KCNJ3: variants seen among roughly 807,000 people sequenced by gnomAD.
KCNJ3 encodes the protein G protein-activated inward rectifier potassium channel 1.
Under a neutral mutation model 39.2 loss-of-function variants are expected in KCNJ3, and 4 were observed. That is an observed-to-expected ratio of 0.10 (90% CI 0.05 to 0.23). The LOEUF (loss-of-function observed/expected upper bound fraction) is 0.23, where lower values mean the gene tolerates loss of function less well. KCNJ3 is among the 10% of genes least tolerant of loss of function. The pLI is 1.00. For missense variants in KCNJ3, 276 were observed against 634.9 expected (o/e 0.43, Z 6.08); for synonymous variants, 230 against 237.4 (o/e 0.97, Z 0.29).
intron 2 of KCNJ3, among the ~76,000 whole-genome samples, chr2:154,768,972 A>G (rs987340692): frequency 3.9e-5 from 6 of 152,108 alleles, no homozygotes; most frequent in Admixed American, 6.5e-5. Flanking sequence ...TTCACTCATG[A>G]TTTGGCTCTC....
At chr2:154,846,009 A>T (rs1468440514) in intron 2 of KCNJ3, among the ~76,000 whole-genome samples, 3 of 152,114 alleles carry the variant, frequency 2.0e-5, no homozygotes, top group Non-Finnish European at 4.4e-5. Flanking sequence ...AAAGTCTGCA[A>T]TGCTTCTAAT....
rs2105190918 is a variant in KCNJ3, at chr2:154,764,093, A to G, written c.919+54274A>G. 1.3e-5 allele frequency among the ~76,000 whole-genome samples: 2 copies of G among 152,350 alleles called. 1 individual carries two copies. The highest frequency in any genetic ancestry group is 3.9e-4 in the East Asian group (2 of 5,186). ...CAGTCTCTCTGTTCTCAAGTGTGAT[A>G]TCAATGTTAGTTGTCAGCTTACTAC... On this transcript the variant is annotated intron_variant, in intron 2 of 2. Transcript: ENST00000295101.
At chr2:154,830,631 T>C (rs181329514) in intron 2 of KCNJ3, among the ~76,000 whole-genome samples, 1 of 152,274 alleles carries the variant, frequency 6.6e-6, no homozygotes, top group East Asian at 1.9e-4. Flanking sequence ...ATGCCAGATA[T>C]AGAAACTTGA....
At chr2:154,835,670 T>G (rs902187942) in intron 2 of KCNJ3, among the ~76,000 whole-genome samples, 1 of 152,002 alleles carries the variant, frequency 6.6e-6, no homozygotes, top group Non-Finnish European at 1.5e-5. Context: ...CCCAGGTGGC[T>G]TAATTTACCC....
intron 2 of KCNJ3, among the ~76,000 whole-genome samples, chr2:154,803,314 A>G (rs1686852839): frequency 6.6e-6 from 1 of 151,990 alleles, no homozygotes; most frequent in Non-Finnish European, 1.5e-5. Flanking sequence ...TATATCATGA[A>G]ATTAGAATTG....
intron 2 of KCNJ3, among the ~76,000 whole-genome samples, chr2:154,765,120 C>T (rs1251157086): frequency 3.3e-5 from 5 of 152,140 alleles, no homozygotes; most frequent in South Asian, 2.1e-4. Flanking sequence ...CTTGCCTCTA[C>T]CCACCATAGT....
chr2:154,722,692 C>T (rs1685284174), intron 2 of KCNJ3, among the ~76,000 whole-genome samples: 1 of 151,982 alleles, frequency 6.6e-6, no homozygotes, highest in Admixed American at 6.6e-5. Flanking sequence ...ATCACAATTG[C>T]ACTTTAGAAA....
intron 2 of KCNJ3, among the ~76,000 whole-genome samples, chr2:154,724,630 A>G (rs1404714467): frequency 1.3e-5 from 2 of 151,784 alleles, no homozygotes; most frequent in African/African-American, 4.8e-5. Flanking sequence ...TGTGCCAGCA[A>G]TTATGTACTA....
At chr2:154,845,424 AAT>A (rs1353680818) in intron 2 of KCNJ3, among the ~76,000 whole-genome samples, 1 of 152,050 alleles carries the variant, frequency 6.6e-6, no homozygotes, top group Non-Finnish European at 1.5e-5. Flanking sequence ...GGGCCTGAAA[AAT>A]ATCTTTTCCG....
In KCNJ3 at chr2:154,856,264, A is replaced by G. The variant is rs1687837995; in HGVS notation, c.*951A>G. 6.6e-6 allele frequency: 1 copy of G among 152,576 alleles called. No individual in the cohort carries two copies. The highest frequency in any genetic ancestry group is 2.4e-5 in the African/African-American group (1 of 41,452). The allele number at this position is 152,576 out of a possible 1,614,324, so 9.5% of individuals were successfully genotyped here. A position where few individuals can be genotyped will look rare whatever the true frequency, so the allele number is the denominator to read the frequency against. On this transcript the variant is annotated 3_prime_UTR_variant, in exon 3 of 3. Coordinates refer to ENST00000295101, the MANE Select transcript of KCNJ3 (RefSeq NM_002239.4). ...TCTGAACAAACACTGAATCATGTTA[A>G]TAGACAGTAGCCAAGTTATATTGAA... is the stretch of plus-strand genomic sequence containing the variant.
intron 2 of KCNJ3, among the ~76,000 whole-genome samples, chr2:154,744,857 T>G (rs959603388): frequency 3.9e-5 from 6 of 151,934 alleles, no homozygotes; most frequent in Non-Finnish European, 8.8e-5. Flanking sequence ...TGCTTTGGAT[T>G]TATATAGTGC....
chr2:154,767,934 C>T (rs1260739131), intron 2 of KCNJ3, among the ~76,000 whole-genome samples: 2 of 152,132 alleles, frequency 1.3e-5, no homozygotes, highest in Non-Finnish European at 2.9e-5. Flanking sequence ...TCTCTGATGG[C>T]CAGTGATGGT....
At chr2:154,738,750 G>A (rs776445631) in intron 2 of KCNJ3, among the ~76,000 whole-genome samples, 3 of 152,016 alleles carry the variant, frequency 2.0e-5, no homozygotes, top group African/African-American at 4.8e-5. Context: ...GAGAAAAGAA[G>A]CCAAGCTAGA....
intron 2 of KCNJ3, among the ~76,000 whole-genome samples, chr2:154,759,334 T>C (rs1288475468): frequency 1.3e-5 from 2 of 150,554 alleles, no homozygotes; most frequent in Non-Finnish European, 3.0e-5. Flanking sequence ...TTGATATTGA[T>C]AATGGTTTTA....
In KCNJ3 at chr2:154,854,718, T is replaced by C; in HGVS notation, c.920-9T>C. Reference sequence around the variant, plus strand: ...CATAATTTATCAAGAATTTTCTCTTTTCTTGTAGGGATGACTTGTCAAGCT... The same window carrying C: ...CATAATTTATCAAGAATTTTCTCTTCTCTTGTAGGGATGACTTGTCAAGCT... On this transcript the variant is annotated splice_polypyrimidine_tract_variant and intron_variant, in intron 2 of 2. Transcript: ENST00000295101. 2 of 1,592,908 alleles carry C rather than the reference T, an allele frequency of 1.3e-6. No individual in the cohort carries two copies. The highest frequency in any genetic ancestry group is 1.7e-6 in the Non-Finnish European group (2 of 1,166,190).
intron 2 of KCNJ3, among the ~76,000 whole-genome samples, chr2:154,836,582 C>CATTT (rs1461252580): frequency 4.1e-5 from 6 of 147,424 alleles, no homozygotes; most frequent in African/African-American, 1.3e-4. Context: ...TCAAAGCAAT[C>CATTT]ATTTATTTTT....
intron 2 of KCNJ3, among the ~76,000 whole-genome samples, chr2:154,746,125 A>G (rs964154871): frequency 1.3e-5 from 2 of 152,070 alleles, no homozygotes; most frequent in African/African-American, 4.8e-5. Context: ...AATGAATAGT[A>G]AATAGATTTT....
intron 2 of KCNJ3, among the ~76,000 whole-genome samples, chr2:154,747,826 T>C (rs1013206936): frequency 2.6e-5 from 4 of 152,008 alleles, no homozygotes; most frequent in Admixed American, 1.3e-4. Context: ...TCCTGGGAGC[T>C]GAATACCAGG....
chr2:154,779,723 T>C (rs1558872148), intron 2 of KCNJ3, among the ~76,000 whole-genome samples: 1 of 151,608 alleles, frequency 6.6e-6, no homozygotes, highest in Non-Finnish European at 1.5e-5. Flanking sequence ...TTTGTATTTT[T>C]AGTAAAGACG....
Sources: allele counts gnomAD v4.1 joint callset (sites outside exome capture counted in the v4.1 genomes callset), GRCh38; gene constraint gnomAD v4.1.1; transcripts MANE v1.5; gene names NCBI Gene and HGNC (gene_info 2026-07-23, HGNC 2026-07-21).